The following SLC8A1 variants were observed in gnomAD, a reference collection of about 807,000 sequenced individuals.
The protein encoded by SLC8A1 is sodium/calcium exchanger 1.
In SLC8A1, 18 loss-of-function variants were observed where a neutral mutation model predicts 68.3. That is an observed-to-expected ratio of 0.26 (90% CI 0.18 to 0.39). SLC8A1 has a LOEUF of 0.39. Among genes scored for constraint, SLC8A1 ranks in the 10% least tolerant of loss-of-function variants. The pLI is 1.00. For synonymous variants in SLC8A1, 475 were observed against 415.5 expected, an observed-to-expected ratio of 1.14 and a Z score of -1.74; for missense variants, 985 against 1,156.7, an observed-to-expected ratio of 0.85 and a Z score of 2.15.
chr2:40,490,485 T>G (rs183141516), intron 1 of SLC8A1, among the ~76,000 whole-genome samples: 46 of 152,226 alleles, frequency 3.0e-4, no homozygotes, highest in Admixed American at 2.9e-3. Context: ...AACTTAAGAC[T>G]GATAAGAACC....
chr2:40,294,876 T>G (rs1232879979), intron 2 of SLC8A1, among the ~76,000 whole-genome samples: 1 of 152,174 alleles, frequency 6.6e-6, no homozygotes, highest in African/African-American at 2.4e-5. Context: ...ATATGGTCTA[T>G]AGTCACATGT....
intron 1 of SLC8A1, among the ~76,000 whole-genome samples, chr2:40,457,134 A>G (rs1703068956): frequency 6.6e-6 from 1 of 152,162 alleles, no homozygotes; most frequent in South Asian, 2.1e-4. Context: ...TAAAATTTTG[A>G]TTGTCACATT....
chr2:40,362,421 G>C (rs1674891463), intron 2 of SLC8A1, among the ~76,000 whole-genome samples: 1 of 152,232 alleles, frequency 6.6e-6, no homozygotes, highest in South Asian at 2.1e-4. Context: ...AATAACACTT[G>C]CAAGACAAAT....
chr2:40,437,983 G>C (rs186584680), intron 1 of SLC8A1, among the ~76,000 whole-genome samples: 1 of 151,894 alleles, frequency 6.6e-6, no homozygotes, highest in Non-Finnish European at 1.5e-5. Context: ...GACTTTCCTG[G>C]CATTTGAACA....
intron 2 of SLC8A1, among the ~76,000 whole-genome samples, chr2:40,397,432 AG>A (rs967747901): frequency 6.6e-6 from 1 of 152,194 alleles, no homozygotes; most frequent in Non-Finnish European, 1.5e-5. Context: ...CATTGCTCAC[AG>A]TGAGGACTAG....
intron 2 of SLC8A1, among the ~76,000 whole-genome samples, chr2:40,288,658 C>T (rs989674384): frequency 5.3e-5 from 8 of 151,860 alleles, no homozygotes; most frequent in African/African-American, 9.7e-5. Flanking sequence ...AGAAATCATC[C>T]GCATAGTATT....
rs542275562 is a variant in SLC8A1 at position 40,202,911 on chromosome 2, A to G, written c.1809-25056T>C. On this transcript the variant is annotated intron_variant, in intron 2 of 7. Transcript: ENST00000406785. ...TTTCCAGGGGAACCTAATGCCAAAT[A>G]GAATGGCACCTACATAACCAACTTG... Among the ~76,000 whole-genome samples the G allele has an allele frequency of 3.9e-5, 6 of 152,116 alleles. No individual in the cohort carries two copies. In the East Asian group the frequency reaches 9.7e-4, roughly 25 times the overall value.
chr2:40,231,962 G>A (rs1297560628), intron 2 of SLC8A1, among the ~76,000 whole-genome samples: 1 of 152,126 alleles, frequency 6.6e-6, no homozygotes, highest in Non-Finnish European at 1.5e-5. Flanking sequence ...GGAGGTGTGA[G>A]AGCAAATAGG....
intron 2 of SLC8A1, among the ~76,000 whole-genome samples, chr2:40,320,869 A>G (rs1288481929): frequency 6.6e-6 from 1 of 152,140 alleles, no homozygotes; most frequent in East Asian, 1.9e-4. Flanking sequence ...ACACTCTATC[A>G]GTCACTACTC....
At chr2:40,458,010 A>T (rs1045469322) in intron 1 of SLC8A1, among the ~76,000 whole-genome samples, 1 of 152,162 alleles carries the variant, frequency 6.6e-6, no homozygotes, top group African/African-American at 2.4e-5. Context: ...TTCTGCCTCT[A>T]TTGGTCAGAA....
chr2:40,234,162 G>T lies in SLC8A1; in HGVS notation c.1809-56307C>A, dbSNP rs538569319. On this transcript the variant is annotated intron_variant, in intron 2 of 7. Transcript: ENST00000406785. ...GAGGCATTGGTGGCTTGATGGGGATGGCATTGAATCTGTAAATTACCTTGG... is the reference window on the plus strand; with the variant it reads ...GAGGCATTGGTGGCTTGATGGGGATTGCATTGAATCTGTAAATTACCTTGG... Among the ~76,000 whole-genome samples, 6 of 152,224 alleles carry T rather than the reference G, an allele frequency of 3.9e-5. No individual in the cohort carries two copies. In the East Asian group the frequency reaches 1.2e-3, roughly 29 times the overall value.
At chr2:40,252,028 T>A (rs751918974) in intron 2 of SLC8A1, among the ~76,000 whole-genome samples, 1 of 152,180 alleles carries the variant, frequency 6.6e-6, no homozygotes, top group East Asian at 1.9e-4. Flanking sequence ...GCAATATGAT[T>A]ACAAATCTGC....
At position 40,156,688 on chromosome 2, in the gene SLC8A1, A is replaced by T. The variant is rs947747197; in HGVS notation, c.2161+4077T>A. On this transcript the variant is annotated intron_variant, in intron 6 of 7. Transcript: ENST00000406785. ...AACAAATATTAAGGAAAAAAAAAAA[A>T]CATTTCTATTTCAAGCTGCGGCTCC... is the stretch of plus-strand genomic sequence containing the variant. Among the ~76,000 whole-genome samples the T allele has an allele frequency of 3.3e-5, 5 of 151,766 alleles. No individual in the cohort carries two copies. The East Asian group carries it at 9.7e-4, about 29-fold the overall frequency.
intron 2 of SLC8A1, among the ~76,000 whole-genome samples, chr2:40,397,335 A>G (rs1419019538): frequency 1.3e-5 from 2 of 152,208 alleles, no homozygotes; most frequent in Non-Finnish European, 1.5e-5. Context: ...AACAAGCATT[A>G]TAGATAATAA....
At chr2:40,461,717 G>C (rs1030010113) in intron 1 of SLC8A1, among the ~76,000 whole-genome samples, 1 of 152,066 alleles carries the variant, frequency 6.6e-6, no homozygotes, top group East Asian at 1.9e-4. Context: ...AAGTCTTTTT[G>C]TCTTTTGATC....
intron 2 of SLC8A1, among the ~76,000 whole-genome samples, chr2:40,358,285 A>G (rs1673398571): frequency 1.3e-5 from 2 of 151,954 alleles, no homozygotes; most frequent in Admixed American, 1.3e-4. Flanking sequence ...ACAAAAAAAA[A>G]AAAGACCCAC....
intron 1 of SLC8A1, among the ~76,000 whole-genome samples, chr2:40,449,576 A>G (rs1263878976): frequency 6.6e-6 from 1 of 152,194 alleles, no homozygotes; most frequent in Admixed American, 6.5e-5. Context: ...TTGGGAGTCA[A>G]AGCACTGTTA....
intron 2 of SLC8A1, among the ~76,000 whole-genome samples, chr2:40,421,874 T>C (rs1046254790): frequency 1.3e-4 from 20 of 152,166 alleles, no homozygotes; most frequent in Non-Finnish European, 1.5e-5. Context: ...GGCAAATACA[T>C]GGGTATTATG....
At chr2:40,433,142 A>C (rs527544005) in intron 1 of SLC8A1, among the ~76,000 whole-genome samples, 1 of 152,084 alleles carries the variant, frequency 6.6e-6, no homozygotes, top group Non-Finnish European at 1.5e-5. Flanking sequence ...TGAAATTCCT[A>C]AAGTGCAGAT....
Sources: allele counts gnomAD v4.1 joint callset (sites outside exome capture counted in the v4.1 genomes callset), GRCh38; gene constraint gnomAD v4.1.1; transcripts MANE v1.5; gene names NCBI Gene and HGNC (gene_info 2026-07-23, HGNC 2026-07-21).